Variants in PAIP2B observed in about 807,000 individuals in gnomAD.
The protein encoded by PAIP2B is polyadenylate-binding protein-interacting protein 2B.
In PAIP2B, 13 loss-of-function variants were observed where a neutral mutation model predicts 17.0. The ratio of observed to expected loss-of-function variants is 0.76; its 90% CI spans 0.50 to 1.22. The LOEUF is 1.22. Among genes scored for constraint, PAIP2B ranks in the 50% most tolerant of loss-of-function variants. The pLI, the probability that PAIP2B is intolerant of heterozygous loss-of-function variation, is 0.00. For missense variants in PAIP2B, 117 were observed against 144.5 expected, an observed-to-expected ratio of 0.81 and a Z score of 0.98; for synonymous variants, 43 against 48.7, an observed-to-expected ratio of 0.88 and a Z score of 0.48.
chr2:71,210,564 A>T (rs1362669155), intron 1 of PAIP2B, among the ~76,000 whole-genome samples: 2 of 152,248 alleles, frequency 1.3e-5, no homozygotes, highest in African/African-American at 2.4e-5. Flanking sequence ...AATGGAACTT[A>T]CCTGCAATTA....
intron 1 of PAIP2B, among the ~76,000 whole-genome samples, chr2:71,210,266 AG>A (rs1675261814): frequency 6.6e-6 from 1 of 152,200 alleles, no homozygotes; most frequent in African/African-American, 2.4e-5. Context: ...AAAAAGAGAA[AG>A]GGGGAGTAGT....
At chr2:71,209,432 G>A (rs536595392) in intron 1 of PAIP2B, among the ~76,000 whole-genome samples, 15 of 152,310 alleles carry the variant, frequency 9.8e-5, no homozygotes, top group South Asian at 6.2e-4. Flanking sequence ...ATTTATTTTC[G>A]AATAGCTAAT....
chr2:71,217,043 T>C (rs181610932), intron 1 of PAIP2B, among the ~76,000 whole-genome samples: 195 of 152,356 alleles, frequency 1.3e-3, no homozygotes, highest in African/African-American at 4.5e-3. Context: ...AATGTAAGTC[T>C]CAGGCACACT....
At chr2:71,215,558 C>CT (rs1675408347) in intron 1 of PAIP2B, among the ~76,000 whole-genome samples, 1 of 152,218 alleles carries the variant, frequency 6.6e-6, no homozygotes, top group Non-Finnish European at 1.5e-5. Context: ...AGGAATCTGC[C>CT]TAACCCACTG....
At chr2:71,196,827 G>T (rs1436586363) in intron 2 of PAIP2B, among the ~76,000 whole-genome samples, 3 of 151,986 alleles carry the variant, frequency 2.0e-5, no homozygotes, top group Non-Finnish European at 2.9e-5. Flanking sequence ...CTGAAATTAG[G>T]ATTGCAACCC....
rs554424282 is a variant in PAIP2B at position 71,185,073 on chromosome 2, G to T, written c.*3406C>A. The T allele has an allele frequency of 6.6e-6, 1 of 152,296 alleles. No homozygotes were observed. The highest frequency in any genetic ancestry group is 1.9e-4 in the East Asian group (1 of 5,184). The allele number at this position is 152,296 out of a possible 1,614,324, so 9.4% of individuals were successfully genotyped here. A position where few individuals can be genotyped will look rare whatever the true frequency, so the allele number is the denominator to read the frequency against. On this transcript the variant is annotated 3_prime_UTR_variant, in exon 4 of 4. Coordinates refer to ENST00000244221, the MANE Select transcript of PAIP2B (RefSeq NM_020459.1). ...GTTTGCAGCAGCCCTAGTACAAGAA[G>T]ATTCATTCGTGCTGTTTACTTTGGC...
In PAIP2B at chr2:71,182,866, T is replaced by G. The variant is rs1279823861; in HGVS notation, c.*5613A>C. ...TATTTTCTTCAGTTTTAAAGCCCTG[T>G]CCCTCCCCCAAAGAAGGATTAATAA... On this transcript the variant is annotated 3_prime_UTR_variant, in exon 4 of 4. Coordinates refer to ENST00000244221, the MANE Select transcript of PAIP2B (RefSeq NM_020459.1). 6.7e-6 allele frequency: 1 copy of G among 149,130 alleles called. No homozygotes were observed. Among genetic ancestry groups the G allele is most frequent in the African/African-American group, 2.5e-5 (1 of 40,112 alleles). The allele number at this position is 149,130 out of a possible 1,614,324, so 9.2% of individuals were successfully genotyped here.
At chr2:71,207,525 G>A (rs926234111) in intron 1 of PAIP2B, among the ~76,000 whole-genome samples, 1 of 134,714 alleles carries the variant, frequency 7.4e-6, no homozygotes, top group Non-Finnish European at 1.6e-5. Context: ...ATAATGCACC[G>A]TAGCATGATT....
At chr2:71,222,326 T>C (rs148615594) in intron 1 of PAIP2B, among the ~76,000 whole-genome samples, 2,899 of 152,260 alleles carry the variant, frequency 0.019, 26 homozygotes, top group Middle Eastern at 0.027. Flanking sequence ...CAGGGCTCAG[T>C]GCTTCAGCTG....
chr2:71,196,019 T>A (rs1426048213), intron 2 of PAIP2B, among the ~76,000 whole-genome samples: 1 of 152,194 alleles, frequency 6.6e-6, no homozygotes, highest in African/African-American at 2.4e-5. Flanking sequence ...TTTTCTTCAG[T>A]TCATCTCTGA....
At chr2:71,202,706 G>T (rs1449050993) in intron 1 of PAIP2B, 106 bp from the exon 2 acceptor site, 3 of 971,778 alleles carry the variant, frequency 3.1e-6, no homozygotes, top group Non-Finnish European at 3.0e-6. Flanking sequence ...CTAAGTCAAA[G>T]ATTTTAACTA....
At chr2:71,205,011 G>A (rs1303275407) in intron 1 of PAIP2B, among the ~76,000 whole-genome samples, 3 of 151,826 alleles carry the variant, frequency 2.0e-5, no homozygotes, top group Non-Finnish European at 2.9e-5. Flanking sequence ...TAAGTCCTGA[G>A]TGTACATGAT....
In PAIP2B at chr2:71,184,225, C is replaced by A. The variant is rs1041655383; in HGVS notation, c.*4254G>T. The A allele has an allele frequency of 1.3e-5, 2 of 152,134 alleles. No individual in the cohort carries two copies. The highest frequency in any genetic ancestry group is 2.4e-5 in the African/African-American group (1 of 41,440). 9.4% of individuals were successfully genotyped at this position (152,134 alleles called of 1,614,324 possible). A position where few individuals can be genotyped will look rare whatever the true frequency, so the allele number is the denominator to read the frequency against. ...TCAGTAAATGTCACAAAAGAGACTC[C>A]TAGTAACACAATCTGAGGGAGCTTT... On this transcript the variant is annotated 3_prime_UTR_variant, in exon 4 of 4. Coordinates refer to ENST00000244221, the MANE Select transcript of PAIP2B (RefSeq NM_020459.1).
At chr2:71,193,425 A>G (rs1674737342) in intron 2 of PAIP2B, among the ~76,000 whole-genome samples, 1 of 152,182 alleles carries the variant, frequency 6.6e-6, no homozygotes, top group African/African-American at 2.4e-5. Flanking sequence ...GCTGTACAGA[A>G]GTTCTTAAGT....
intron 1 of PAIP2B, among the ~76,000 whole-genome samples, chr2:71,219,718 C>A (rs572137940): frequency 6.7e-6 from 1 of 149,426 alleles, no homozygotes; most frequent in Non-Finnish European, 1.5e-5. Context: ...GGGTAATGTG[C>A]GCAAATACAT....
At chr2:71,217,173 G>A (rs572058468) in intron 1 of PAIP2B, among the ~76,000 whole-genome samples, 3 of 152,112 alleles carry the variant, frequency 2.0e-5, no homozygotes, top group Admixed American at 6.5e-5. Context: ...TCTCACTGTC[G>A]TCTAGGCTGG....
intron 2 of PAIP2B, among the ~76,000 whole-genome samples, chr2:71,200,763 AAACAAAAAAC>A (rs1181343131): frequency 6.6e-6 from 1 of 152,150 alleles, no homozygotes; most frequent in African/African-American, 2.4e-5. Context: ...ACAAACAAAC[AAACAAAAAAC>A]AACAAAAAAA....
intron 1 of PAIP2B, among the ~76,000 whole-genome samples, chr2:71,213,462 T>C (rs1675352529): frequency 6.6e-6 from 1 of 152,024 alleles, no homozygotes; most frequent in Non-Finnish European, 1.5e-5. Flanking sequence ...GAGGGTAAGG[T>C]CAGAACATTT....
chr2:71,193,362 A>G (rs1180375078), intron 2 of PAIP2B, among the ~76,000 whole-genome samples: 1 of 152,180 alleles, frequency 6.6e-6, no homozygotes, highest in East Asian at 1.9e-4. Context: ...TAGTATGCAA[A>G]TATTTCCTCC....
Sources: gnomAD v4.1 joint callset for allele counts (sites outside exome capture counted in the v4.1 genomes callset) on GRCh38, gnomAD v4.1.1 for gene constraint, MANE v1.5 for transcripts, NCBI Gene and HGNC (gene_info 2026-07-23, HGNC 2026-07-21) for gene names.